Variants in CACNA1D observed in about 807,000 individuals in gnomAD.
CACNA1D encodes voltage-dependent L-type calcium channel subunit alpha-1D.
In CACNA1D, 55 loss-of-function variants were observed where a neutral mutation model predicts 257.1. The observed-to-expected ratio is 0.21, with a 90% CI of 0.17 to 0.27. The LOEUF (loss-of-function observed/expected upper bound fraction) is 0.27, where lower values mean the gene tolerates loss of function less well. Ranked by LOEUF, CACNA1D falls within the 10% of genes least tolerant of loss-of-function variation. CACNA1D has a pLI of 1.00. For synonymous variants in CACNA1D, 980 were observed against 1,014.9 expected, an observed-to-expected ratio of 0.97 and a Z score of 0.65; for missense variants, 1,876 against 2,784.0, an observed-to-expected ratio of 0.67 and a Z score of 7.34.
At chr3:53,544,440 G>A (rs894496946) in intron 3 of CACNA1D, among the ~76,000 whole-genome samples, 3 of 152,046 alleles carry the variant, frequency 2.0e-5, no homozygotes, top group Non-Finnish European at 4.4e-5. Context: ...ACTGGGGCTG[G>A]CTCCCACCCA....
chr3:53,793,853 T>C lies in CACNA1D; in HGVS notation c.4924-6396T>C, dbSNP rs1239969658. Among the ~76,000 whole-genome samples the C allele has an allele frequency of 1.3e-5, 2 of 152,204 alleles. No homozygotes were observed. Among genetic ancestry groups the C allele is most frequent in the Non-Finnish European group, 2.9e-5 (2 of 68,040 alleles). Reference sequence around the variant, plus strand: ...CTTGGCAGAGAAGTGTAGCTTCTAGTGTAGTCAAAGTTGTGAGAGACGACT... The same window carrying C: ...CTTGGCAGAGAAGTGTAGCTTCTAGCGTAGTCAAAGTTGTGAGAGACGACT... On this transcript the variant is annotated intron_variant, in intron 40 of 47. Transcript: ENST00000350061. This position sits in a 1 kb window ranked among gnomAD's most constrained non-coding sequence, Gnocchi z 4.1.
intron 8 of CACNA1D, 42 bp from the exon 9 acceptor site, chr3:53,702,599 A>G (rs1045014089): frequency 6.2e-7 from 1 of 1,605,562 alleles, no homozygotes; most frequent in African/African-American, 1.3e-5. Context: ...GCAGGTCCCC[A>G]AGGATGTCCT....
chr3:53,777,550 GA>G (rs769188470), intron 37 of CACNA1D, among the ~76,000 whole-genome samples: 4 of 152,218 alleles, frequency 2.6e-5, no homozygotes, highest in Non-Finnish European at 5.9e-5. Context: ...TTAGGATGTG[GA>G]GTGGGGAGGA....
chr3:53,747,780 A>G (rs1467267608), intron 26 of CACNA1D, among the ~76,000 whole-genome samples: 1 of 107,706 alleles, frequency 9.3e-6, no homozygotes, highest in African/African-American at 3.1e-5. Context: ...GGTGTCCCAA[A>G]CCATTCATTC....
chr3:53,502,435 C>G (rs1384325976), intron 3 of CACNA1D, among the ~76,000 whole-genome samples: 1 of 151,630 alleles, frequency 6.6e-6, no homozygotes, highest in East Asian at 1.9e-4. Context: ...CTCAGCTAGT[C>G]CCTAAAAGTA....
chr3:53,556,905 G>T (rs1289563140), intron 3 of CACNA1D, among the ~76,000 whole-genome samples: 1 of 151,804 alleles, frequency 6.6e-6, no homozygotes, highest in Non-Finnish European at 1.5e-5. Flanking sequence ...TAGTAGAGAT[G>T]GGGTTTTACC....
At chr3:53,531,702 T>C (rs900049152) in intron 3 of CACNA1D, among the ~76,000 whole-genome samples, 1 of 152,150 alleles carries the variant, frequency 6.6e-6, no homozygotes, top group Admixed American at 6.5e-5. Flanking sequence ...CTGAATTACC[T>C]TCTCCTTTTG....
intron 3 of CACNA1D, among the ~76,000 whole-genome samples, chr3:53,587,905 G>A (rs189509752): frequency 3.1e-4 from 47 of 152,236 alleles, no homozygotes; most frequent in Admixed American, 2.5e-3. Flanking sequence ...TTGGTTGTAC[G>A]AATGCTGGTT....
In CACNA1D at chr3:53,637,881, A is replaced by G. The variant is rs147070857; in HGVS notation, c.484-12898A>G. Among the ~76,000 whole-genome samples, 669 of 152,372 alleles carry G rather than the reference A, an allele frequency of 4.4e-3. 7 individuals carry two copies. The highest frequency in any genetic ancestry group is 0.016 in the African/African-American group (645 of 41,582). ...AATTAACTTAATATTACTTGGTAAT[A>G]CTAAAGCAATGATGAATTATGTGCA... On this transcript the variant is annotated intron_variant, in intron 3 of 47. Coordinates refer to ENST00000350061, the MANE Select transcript of CACNA1D (RefSeq NM_001128840.3).
At chr3:53,572,484 C>T (rs1270910831) in intron 3 of CACNA1D, among the ~76,000 whole-genome samples, 4 of 152,042 alleles carry the variant, frequency 2.6e-5, no homozygotes, top group Non-Finnish European at 5.9e-5. Flanking sequence ...ACTGCAGTCT[C>T]GACCTCCTAG....
At chr3:53,702,600 A>C (rs768086974) in intron 8 of CACNA1D, 41 bp from the exon 9 acceptor site, 2 of 1,605,852 alleles carry the variant, frequency 1.2e-6, no homozygotes, top group South Asian at 2.2e-5. Flanking sequence ...CAGGTCCCCA[A>C]GGATGTCCTG....
intron 29 of CACNA1D, among the ~76,000 whole-genome samples, chr3:53,760,544 T>A (rs922522622): frequency 7.2e-5 from 11 of 152,204 alleles, no homozygotes; most frequent in Non-Finnish European, 1.5e-4. Flanking sequence ...GAGCTGTTGA[T>A]CTTGACAGTC....
At position 53,747,431 on chromosome 3, in the gene CACNA1D, G is replaced by A. The variant is rs151094357; in HGVS notation, c.3297G>A (p.Thr1099=). The change falls in exon 26 of 48, where the codon ACG becomes ACA. Residue 1099 remains threonine, a synonymous_variant. Transcript: ENST00000350061. ...TGATGGCGCTCTTCACAGTCTCCACGTTTGAGGGCTGGCCTGCGTAAGTAC... is the reference window on the plus strand; with the variant it reads ...TGATGGCGCTCTTCACAGTCTCCACATTTGAGGGCTGGCCTGCGTAAGTAC... The part of the protein sequence containing the change: ...SAMMALFTVS[T]FEGWPALLYK... 312 of 1,614,134 alleles carry A rather than the reference G, an allele frequency of 1.9e-4. No homozygotes were observed. The highest frequency in any genetic ancestry group is 2.3e-4 in the Non-Finnish European group (276 of 1,180,056).
intron 29 of CACNA1D, among the ~76,000 whole-genome samples, chr3:53,761,286 A>G (rs1020435228): frequency 2.0e-5 from 3 of 152,208 alleles, no homozygotes; most frequent in African/African-American, 7.2e-5. Context: ...CATCCTCTTC[A>G]TTCCATACTC....
chr3:53,700,536 CCA>C (rs2094613514), intron 8 of CACNA1D, among the ~76,000 whole-genome samples: 1 of 152,112 alleles, frequency 6.6e-6, no homozygotes, highest in Non-Finnish European at 1.5e-5. Context: ...TATGTATTTC[CCA>C]TGTGTCAGGA....
At position 53,800,722 on chromosome 3, in the gene CACNA1D, A is replaced by C. The variant is rs2095532283; in HGVS notation, c.5041-336A>C. 1 of 499,272 alleles carries C rather than the reference A, an allele frequency of 2.0e-6. No homozygotes were observed. The highest frequency in any genetic ancestry group is 3.3e-5 in the Admixed American group (1 of 30,566). The allele number at this position is 499,272 out of a possible 1,614,324, so 30.9% of individuals were successfully genotyped here. On this transcript the variant is annotated intron_variant, in intron 41 of 47. Coordinates refer to ENST00000350061, the MANE Select transcript of CACNA1D (RefSeq NM_001128840.3). The surrounding 1 kb of genome is among the most constrained non-coding windows in gnomAD (Gnocchi z 4.3). ...CTCTTTGATCTGCCAGCTGGCTGTC[A>C]GTCCCCCAGCCCAGAGAGCATGCCC...
rs751400848 is a variant in CACNA1D, at chr3:53,497,459, G to C, written c.375G>C (p.Trp125Cys). ...GAGCCTGCATTAGTATAGTGGAATG[G>C]AAGTATCCTTTTTTTGGGGGAAGTC... Reference protein sequence around the residue: ...IRRACISIVEWKPFDIFILLA... With the variant: ...IRRACISIVECKPFDIFILLA... The change falls in exon 2 of 48, where the codon TGG becomes TGC. Residue 125 changes from tryptophan (W) to cysteine (C), a missense_variant and splice_region_variant. Trp to Cys is a radical substitution (Grantham distance 215). Around this residue, in one of 10 missense-constraint regions of CACNA1D, gnomAD observed 143 missense variants for 168.7 expected, o/e 0.85. Coordinates refer to ENST00000350061, the MANE Select transcript of CACNA1D (RefSeq NM_001128840.3). 1 of 1,613,936 alleles carries C rather than the reference G, an allele frequency of 6.2e-7. No individual in the cohort carries two copies. The highest frequency in any genetic ancestry group is 8.5e-7 in the Non-Finnish European group (1 of 1,179,872).
At chr3:53,548,371 T>TAAAAAAA (rs869046550) in intron 3 of CACNA1D, among the ~76,000 whole-genome samples, 31 of 138,144 alleles carry the variant, frequency 2.2e-4, no homozygotes, top group South Asian at 1.1e-3. Flanking sequence ...TTTTTTTTTT[T>TAAAAAAA]AAAAATTATC....
Position 53,497,330 on chromosome 3 carries a change from A to G in CACNA1D, c.246A>G (p.Gln82=). ...CCCCACCTGTAGGATCTCTCTCCCA[A>G]AGAAAACGTCAGCAATACGCCAAGA... The part of the protein sequence containing the change: ...SAPPPVGSLS[Q]RKRQQYAKSK... Residue 82 remains glutamine, a synonymous_variant, in exon 2 of 48, where the codon CAA becomes CAG. Coordinates refer to ENST00000350061, the MANE Select transcript of CACNA1D (RefSeq NM_001128840.3). The G allele has an allele frequency of 6.2e-7, 1 of 1,614,110 alleles. No individual in the cohort carries two copies. The highest frequency in any genetic ancestry group is 1.1e-5 in the South Asian group (1 of 91,066).
Sources: gnomAD v4.1 joint callset for allele counts (sites outside exome capture counted in the v4.1 genomes callset) on GRCh38, gnomAD v4.1.1 for gene constraint, gnomAD v4.1.1 regional missense constraint, Gnocchi (gnomAD v3.1) non-coding constraint, MANE v1.5 for transcripts, NCBI Gene and HGNC (gene_info 2026-07-23, HGNC 2026-07-21) for gene names.